The following CDH18 variants were observed in gnomAD, a reference collection of about 807,000 sequenced individuals.
CDH18 encodes cadherin-18.
CDH18 carries 31 observed loss-of-function variants against 67.9 expected under a neutral mutation model. The ratio of observed to expected loss-of-function variants is 0.46; its 90% CI spans 0.34 to 0.62. CDH18 has a LOEUF of 0.62. Ranked by LOEUF, CDH18 falls within the 20% of genes least tolerant of loss-of-function variation. The pLI is 0.01. For synonymous variants in CDH18, 362 were observed against 347.2 expected (o/e 1.04, Z -0.48); for missense variants, 890 against 975.5 (o/e 0.91, Z 1.17).
At chr5:20,375,279 A>G (rs1375035010) in intron 1 of CDH18, among the ~76,000 whole-genome samples, 1 of 152,218 alleles carries the variant, frequency 6.6e-6, no homozygotes, top group Non-Finnish European at 1.5e-5. Context: ...GGGGACAATG[A>G]TACCTATTAT....
chr5:20,403,691 C>T (rs777616198), intron 1 of CDH18, among the ~76,000 whole-genome samples: 3 of 152,078 alleles, frequency 2.0e-5, no homozygotes, highest in African/African-American at 4.8e-5. Flanking sequence ...CTTTGTTGTT[C>T]CATTTATAGA....
rs934961968 is a variant in CDH18 at position 20,425,750 on chromosome 5, A to G, written c.-580+149712T>C. 3.3e-5 allele frequency among the ~76,000 whole-genome samples: 5 copies of G among 151,136 alleles called. 1 individual carries two copies. The highest frequency in any genetic ancestry group is 9.9e-5 in the African/African-American group (4 of 40,500). ...TATTACAAGATATAATATTATATTGATTTTAAACAATCTGTCATATTTAGC... is the reference window on the plus strand; with the variant it reads ...TATTACAAGATATAATATTATATTGGTTTTAAACAATCTGTCATATTTAGC... On this transcript the variant is annotated intron_variant, in intron 1 of 14. Coordinates refer to the CDH18 transcript ENST00000507958.
At chr5:19,732,980 C>A (rs935749425) in intron 4 of CDH18, among the ~76,000 whole-genome samples, 1 of 152,126 alleles carries the variant, frequency 6.6e-6, no homozygotes, top group African/African-American at 2.4e-5. Flanking sequence ...TGAGGGAAAT[C>A]TGAGTTCCGT....
chr5:20,101,901 G>A (rs1477206104), intron 2 of CDH18, among the ~76,000 whole-genome samples: 4 of 152,016 alleles, frequency 2.6e-5, no homozygotes, highest in South Asian at 2.1e-4. Context: ...GTGAAACCCC[G>A]TCTCTACTAA....
intron 2 of CDH18, among the ~76,000 whole-genome samples, chr5:19,967,375 G>C (rs943072678): frequency 5.3e-5 from 8 of 152,068 alleles, no homozygotes; most frequent in African/African-American, 1.9e-4. Flanking sequence ...GTTAAGAATA[G>C]AAATGATGAT....
intron 1 of CDH18, among the ~76,000 whole-genome samples, chr5:20,269,580 G>A (rs910841515): frequency 1.3e-5 from 2 of 152,116 alleles, no homozygotes; most frequent in Non-Finnish European, 2.9e-5. Flanking sequence ...CAACATGGAT[G>A]CAGCTGGAGG....
intron 3 of CDH18, among the ~76,000 whole-genome samples, chr5:19,793,285 A>G (rs906181042): frequency 6.6e-6 from 1 of 152,148 alleles, no homozygotes; most frequent in Non-Finnish European, 1.5e-5. Flanking sequence ...AGCTAAACTA[A>G]TGTAGTCACC....
At chr5:20,079,920 AG>A (rs1744305241) in intron 2 of CDH18, among the ~76,000 whole-genome samples, 1 of 152,124 alleles carries the variant, frequency 6.6e-6, no homozygotes, top group South Asian at 2.1e-4. Context: ...AGGGCAGCAG[AG>A]AAAGAAAGAA....
intron 3 of CDH18, among the ~76,000 whole-genome samples, chr5:19,786,542 A>G (rs1775792398): frequency 6.6e-6 from 1 of 152,174 alleles, no homozygotes; most frequent in Non-Finnish European, 1.5e-5. Context: ...ATCTTCAATC[A>G]GCTTCCTTGA....
chr5:20,332,360 ATTTTTCT>A (rs893172155), intron 1 of CDH18, among the ~76,000 whole-genome samples: 1 of 152,106 alleles, frequency 6.6e-6, no homozygotes, highest in Non-Finnish European at 1.5e-5. Context: ...GAGATTATTG[ATTTTTCT>A]TTTTACTTCT....
intron 3 of CDH18, among the ~76,000 whole-genome samples, chr5:19,784,288 A>G (rs1306085817): frequency 6.6e-6 from 1 of 152,178 alleles, no homozygotes; most frequent in Non-Finnish European, 1.5e-5. Context: ...ATCATCTAGA[A>G]AAGTTAGATT....
In CDH18 at chr5:19,606,723, T is replaced by C. The variant is rs149480070; in HGVS notation, c.811+5711A>G. On this transcript the variant is annotated intron_variant, in intron 6 of 12. Transcript: ENST00000382275. ...AACTGAAAGACCTAGCTGACATACT[T>C]TGTAGAACTAATAGAAAAGAAGTGA... Among the ~76,000 whole-genome samples the C allele has an allele frequency of 2.4e-3, 368 of 151,918 alleles. 2 individuals carry two copies. Among genetic ancestry groups the C allele is most frequent in the Non-Finnish European group, 2.9e-3 (196 of 67,828 alleles).
At chr5:19,967,920 A>G (rs1466884480) in intron 2 of CDH18, among the ~76,000 whole-genome samples, 1 of 152,098 alleles carries the variant, frequency 6.6e-6, no homozygotes, top group Admixed American at 6.6e-5. Context: ...TGCAGATGAC[A>G]TGATTGTATA....
At chr5:19,639,336 G>A (rs931298201) in intron 5 of CDH18, among the ~76,000 whole-genome samples, 2 of 152,100 alleles carry the variant, frequency 1.3e-5, no homozygotes, top group Admixed American at 1.3e-4. Context: ...AAGGAAGTGC[G>A]AAGATGGCTA....
chr5:20,063,766 A>G (rs1285419248), intron 2 of CDH18, among the ~76,000 whole-genome samples: 2 of 152,172 alleles, frequency 1.3e-5, no homozygotes, highest in African/African-American at 4.8e-5. Context: ...CTATTCCTAA[A>G]TATCTTTAGA....
chr5:20,080,918 C>A (rs1034443885), intron 2 of CDH18, among the ~76,000 whole-genome samples: 8 of 152,058 alleles, frequency 5.3e-5, no homozygotes, highest in African/African-American at 1.9e-4. Flanking sequence ...TAAGCCTCAG[C>A]AGTGTTCATT....
intron 1 of CDH18, among the ~76,000 whole-genome samples, chr5:20,542,041 G>C (rs1040597896): frequency 5.9e-5 from 9 of 152,244 alleles, no homozygotes; most frequent in Non-Finnish European, 8.8e-5. Context: ...AGCCTCCCAG[G>C]TTCAAGGGAT....
Position 20,448,909 on chromosome 5 carries a change from T to C in CDH18, c.-580+126553A>G, listed in dbSNP as rs189872105. 1.7e-3 allele frequency among the ~76,000 whole-genome samples: 265 copies of C among 152,180 alleles called. 1 individual carries two copies. The highest frequency in any genetic ancestry group is 1.2e-3 in the Non-Finnish European group (85 of 68,018). The stretch of plus-strand genomic sequence containing the variant: ...CTAATTATTGTTCTAAACTTAGATA[T>C]CACGTCTGGAACTGAAGCAGCTATC... On this transcript the variant is annotated intron_variant, in intron 1 of 14. Coordinates refer to the CDH18 transcript ENST00000507958.
chr5:19,979,741 A>G (rs1057481771), intron 2 of CDH18, among the ~76,000 whole-genome samples: 2 of 152,328 alleles, frequency 1.3e-5, no homozygotes, highest in South Asian at 2.1e-4. Flanking sequence ...TTAAATGAGT[A>G]CTTTGTGGCA....
Sources: allele counts gnomAD v4.1 joint callset (sites outside exome capture counted in the v4.1 genomes callset), GRCh38; gene constraint gnomAD v4.1.1; transcripts MANE v1.5; gene names NCBI Gene and HGNC (gene_info 2026-07-23, HGNC 2026-07-21).